ADGRL3: variants seen among roughly 807,000 people sequenced by gnomAD.
ADGRL3 encodes the protein adhesion G protein-coupled receptor L3.
In ADGRL3, 62 loss-of-function variants were observed where a neutral mutation model predicts 153.5. That is an observed-to-expected ratio of 0.40 (90% CI 0.33 to 0.50). ADGRL3 has a LOEUF of 0.50. Ranked by LOEUF, ADGRL3 falls within the 20% of genes least tolerant of loss-of-function variation. The pLI, the probability that ADGRL3 is intolerant of heterozygous loss-of-function variation, is 0.47. For synonymous variants in ADGRL3, 710 were observed against 672.5 expected (o/e 1.06, Z -0.86); for missense variants, 1,641 against 1,859.4 (o/e 0.88, Z 2.16).
chr4:61,719,496 A>G (rs763904858), intron 6 of ADGRL3, among the ~76,000 whole-genome samples: 3 of 151,796 alleles, frequency 2.0e-5, no homozygotes, highest in Non-Finnish European at 4.4e-5. Context: ...ATAAAACATG[A>G]TTTTTCTTTC....
intron 1 of ADGRL3, among the ~76,000 whole-genome samples, chr4:61,298,664 A>T (rs2094488647): frequency 6.6e-6 from 1 of 152,184 alleles, no homozygotes. Flanking sequence ...TTCTACATTA[A>T]AAATAATAAT....
chr4:61,723,425 T>C (rs1021495139), intron 6 of ADGRL3, among the ~76,000 whole-genome samples: 2 of 151,588 alleles, frequency 1.3e-5, no homozygotes, highest in African/African-American at 4.9e-5. Flanking sequence ...AGAAAAAAGC[T>C]CCCCCATACA....
intron 4 of ADGRL3, among the ~76,000 whole-genome samples, chr4:61,524,847 T>C (rs778672653): frequency 5.9e-5 from 9 of 152,170 alleles, no homozygotes; most frequent in African/African-American, 1.9e-4. Context: ...ATTGTTAATA[T>C]AGCTGTATGG....
At chr4:61,987,189 G>A (rs2099088886) in intron 19 of ADGRL3, among the ~76,000 whole-genome samples, 1 of 145,254 alleles carries the variant, frequency 6.9e-6, no homozygotes, top group South Asian at 2.2e-4. Flanking sequence ...TTTTGAGATG[G>A]AGTTTCACTC....
chr4:61,975,232 G>C (rs1021979805), intron 17 of ADGRL3, among the ~76,000 whole-genome samples: 11 of 152,146 alleles, frequency 7.2e-5, no homozygotes, highest in Non-Finnish European at 1.6e-4. Flanking sequence ...CGGAAAAGGG[G>C]TCTGTATTTT....
chr4:61,623,306 C>A (rs970173344), intron 5 of ADGRL3, among the ~76,000 whole-genome samples: 9 of 152,082 alleles, frequency 5.9e-5, no homozygotes, highest in African/African-American at 2.2e-4. Context: ...TCAGCAATGT[C>A]TTGACTTTCC....
chr4:61,273,602 G>A (rs1578072639), intron 1 of ADGRL3, among the ~76,000 whole-genome samples: 5 of 152,278 alleles, frequency 3.3e-5, no homozygotes, highest in Admixed American at 2.0e-4. Flanking sequence ...TAGAAAATGT[G>A]CCATTTTACA....
At chr4:61,358,349 G>C (rs1030190226) in intron 1 of ADGRL3, among the ~76,000 whole-genome samples, 4 of 152,040 alleles carry the variant, frequency 2.6e-5, no homozygotes, top group Non-Finnish European at 4.4e-5. Context: ...TGTAAGTCCA[G>C]CACTTTGGGA....
chr4:61,740,356 A>G (rs1049855762), intron 8 of ADGRL3, among the ~76,000 whole-genome samples: 2 of 152,184 alleles, frequency 1.3e-5, no homozygotes, highest in African/African-American at 4.8e-5. Flanking sequence ...CTCTAAAACC[A>G]TATGTTCTAT....
intron 9 of ADGRL3, among the ~76,000 whole-genome samples, chr4:61,815,372 C>T (rs987934579): frequency 2.6e-5 from 4 of 151,980 alleles, no homozygotes; most frequent in Admixed American, 6.6e-5. Context: ...ATTATCAGTT[C>T]GAGATATGAG....
chr4:61,221,432 G>T (rs1256617779), intron 1 of ADGRL3, among the ~76,000 whole-genome samples: 5 of 152,090 alleles, frequency 3.3e-5, no homozygotes, highest in Non-Finnish European at 7.4e-5. Context: ...AAGAACTGCT[G>T]TTTCAACATA....
At chr4:61,974,121 C>A (rs1478425388) in intron 17 of ADGRL3, among the ~76,000 whole-genome samples, 1 of 152,046 alleles carries the variant, frequency 6.6e-6, no homozygotes, top group East Asian at 1.9e-4. Context: ...GCACCCTCCA[C>A]CCTGTCCAGC....
chr4:61,329,360 G>C (rs2150934662), intron 1 of ADGRL3, among the ~76,000 whole-genome samples: 1 of 152,248 alleles, frequency 6.6e-6, no homozygotes, highest in East Asian at 1.9e-4. Context: ...ATGATATCAA[G>C]TAATTCTTCC....
intron 21 of ADGRL3, among the ~76,000 whole-genome samples, chr4:62,010,430 T>A (rs1305543811): frequency 2.0e-5 from 3 of 152,066 alleles, no homozygotes; most frequent in African/African-American, 7.3e-5. Context: ...TTATTTTTTA[T>A]TACACCATTT....
intron 25 of ADGRL3, among the ~76,000 whole-genome samples, chr4:62,059,739 A>G (rs570975246): frequency 1.8e-4 from 27 of 152,258 alleles, no homozygotes; most frequent in African/African-American, 6.5e-4. Flanking sequence ...CTGAGACTAA[A>G]TATTGTTCCA....
rs1164369887 is a variant in ADGRL3 at position 62,070,796 on chromosome 4, A to C, written c.4520A>C (p.Tyr1507Ser). 1.4e-5 allele frequency: 21 copies of C among 1,551,678 alleles called. No individual in the cohort carries two copies. The highest frequency in any genetic ancestry group is 1.7e-5 in the Non-Finnish European group (20 of 1,146,978). The stretch of plus-strand genomic sequence containing the variant: ...AACCACGTCCATCAGCTGCATACTT[A>C]CTACCAGCTAGGTCGCGGCAGCAGT... Reference protein sequence around the residue: ...SRNHVHQLHTYYQLGRGSSDG... With the variant: ...SRNHVHQLHTSYQLGRGSSDG... The change falls in exon 27 of 27, where the codon TAC becomes TCC. Residue 1507 changes from tyrosine (Y) to serine (S), a missense_variant. Physicochemically the swap from Tyr to Ser is moderately radical, Grantham distance 144. This residue lies in a region of ADGRL3 where 517 missense variants were observed against 555.0 expected (regional missense o/e 0.93). Coordinates refer to ENST00000683033, the MANE Select transcript of ADGRL3 (RefSeq NM_001387552.1).
At chr4:61,998,131 C>T (rs763319494) in intron 20 of ADGRL3, 43 bp from the exon 21 acceptor site, 48 of 1,110,702 alleles carry the variant, frequency 4.3e-5, no homozygotes, top group Non-Finnish European at 5.7e-5. Context: ...CTTTTTTGTT[C>T]CTACTCCAAT....
intron 1 of ADGRL3, among the ~76,000 whole-genome samples, chr4:61,374,297 A>G (rs773312461): frequency 6.6e-6 from 1 of 152,146 alleles, no homozygotes; most frequent in Non-Finnish European, 1.5e-5. Flanking sequence ...CAGTTTGTCA[A>G]TACTCTGCTT....
intron 2 of ADGRL3, among the ~76,000 whole-genome samples, chr4:61,384,630 A>G (rs1372889362): frequency 1.3e-5 from 2 of 152,026 alleles, no homozygotes; most frequent in East Asian, 1.9e-4. Context: ...TATATTAACC[A>G]TGCAAATAAC....
Sources: allele counts gnomAD v4.1 joint callset (sites outside exome capture counted in the v4.1 genomes callset), GRCh38; gene constraint gnomAD v4.1.1; regional missense constraint gnomAD v4.1.1; transcripts MANE v1.5; gene names NCBI Gene and HGNC (gene_info 2026-07-23, HGNC 2026-07-21).